Variants in SLC35D2 observed in about 807,000 individuals in gnomAD.
SLC35D2 encodes the protein nucleotide sugar transporter SLC35D2.
Under a neutral mutation model 41.8 loss-of-function variants are expected in SLC35D2, and 43 were observed. That is an observed-to-expected ratio of 1.03 (90% CI 0.81 to 1.33). The LOEUF (loss-of-function observed/expected upper bound fraction) is 1.33. Among genes scored for constraint, SLC35D2 ranks in the 40% most tolerant of loss-of-function variants. The probability of loss-of-function intolerance (pLI) is 0.00; values close to 1 mark genes in which losing one functional copy is unlikely to be tolerated. For synonymous variants in SLC35D2, 150 were observed against 163.9 expected, an observed-to-expected ratio of 0.92 and a Z score of 0.65; for missense variants, 380 against 408.4, an observed-to-expected ratio of 0.93 and a Z score of 0.60.
chr9:96,367,878 C>T (rs947113569), intron 2 of SLC35D2, among the ~76,000 whole-genome samples: 8 of 152,054 alleles, frequency 5.3e-5, no homozygotes, highest in African/African-American at 1.9e-4. Context: ...CAACTCTTTT[C>T]CTGTCAGGCA....
chr9:96,382,492 C>CTCTATATATATATAT (rs1238678610), intron 1 of SLC35D2, among the ~76,000 whole-genome samples: 1 of 144,194 alleles, frequency 6.9e-6, no homozygotes, highest in African/African-American at 2.7e-5. Flanking sequence ...CACACACACA[C>CTCTATATATATATAT]ACACTATATA....
In SLC35D2 at chr9:96,354,281, A is replaced by G. The variant is rs535983417; in HGVS notation, c.348-2172T>C. Among the ~76,000 whole-genome samples, 3 of 152,356 alleles carry G rather than the reference A, an allele frequency of 2.0e-5. No homozygotes were observed. In the South Asian group the frequency reaches 6.2e-4, roughly 32 times the overall value. On this transcript the variant is annotated intron_variant, in intron 4 of 11. Coordinates refer to ENST00000253270, the MANE Select transcript of SLC35D2 (RefSeq NM_007001.3). ...AGGTTCTAGACAGTGCAGTTAGAAA[A>G]AACAAACATCTCATTTGGAAAGGAA...
chr9:96,340,778 T>C (rs1039318770), intron 8 of SLC35D2, among the ~76,000 whole-genome samples: 1 of 151,984 alleles, frequency 6.6e-6, no homozygotes, highest in African/African-American at 2.4e-5. Flanking sequence ...GAAAAACAAA[T>C]CTATATAGTT....
At chr9:96,345,724 G>C (rs77618338) in intron 6 of SLC35D2, among the ~76,000 whole-genome samples, 2,408 of 152,130 alleles carry the variant, frequency 0.016, 57 homozygotes, top group African/African-American at 0.054. Context: ...GGAGTGATTC[G>C]CCCCGATCCA....
chr9:96,352,748 T>C (rs1376354815), intron 4 of SLC35D2, among the ~76,000 whole-genome samples: 1 of 151,444 alleles, frequency 6.6e-6, no homozygotes, highest in Non-Finnish European at 1.5e-5. Flanking sequence ...CATTAAATAG[T>C]CCTGACCGAC....
At chr9:96,370,233 T>C (rs906710990) in intron 1 of SLC35D2, among the ~76,000 whole-genome samples, 4 of 152,180 alleles carry the variant, frequency 2.6e-5, no homozygotes, top group African/African-American at 7.2e-5. Flanking sequence ...AGAGCCCAAC[T>C]TCTCCCTCTG....
At chr9:96,331,468 C>A (rs937156159) in intron 9 of SLC35D2, among the ~76,000 whole-genome samples, 1 of 152,108 alleles carries the variant, frequency 6.6e-6, no homozygotes, top group Non-Finnish European at 1.5e-5. Flanking sequence ...AAGAATGTAA[C>A]CACTCACTTC....
intron 4 of SLC35D2, among the ~76,000 whole-genome samples, chr9:96,358,483 T>C (rs1433169137): frequency 6.6e-5 from 10 of 151,822 alleles, no homozygotes; most frequent in Non-Finnish European, 1.5e-4. Context: ...AGGAAAAAAA[T>C]ATTTGCAAAA....
intron 9 of SLC35D2, among the ~76,000 whole-genome samples, chr9:96,324,375 C>G: frequency 6.6e-6 from 1 of 152,096 alleles, no homozygotes; most frequent in Admixed American, 6.6e-5. Context: ...TTAGCTAAAC[C>G]TTCTACTTAA....
At chr9:96,335,567 C>T (rs1829011028) in intron 9 of SLC35D2, among the ~76,000 whole-genome samples, 2 of 152,160 alleles carry the variant, frequency 1.3e-5, no homozygotes, top group Admixed American at 6.5e-5. Flanking sequence ...GCCATGTTGG[C>T]CAGGCTGGTC....
At chr9:96,320,164 G>A (rs776851685), downstream of SLC35D2, among the ~76,000 whole-genome samples, 24 of 152,212 alleles carry the variant, frequency 1.6e-4, no homozygotes, top group Non-Finnish European at 2.6e-4. Flanking sequence ...TGTGGTAAAA[G>A]CTCCTGAACA....
At chr9:96,334,807 G>A (rs1423268343) in intron 9 of SLC35D2, among the ~76,000 whole-genome samples, 1 of 152,144 alleles carries the variant, frequency 6.6e-6, no homozygotes, top group African/African-American at 2.4e-5. Context: ...ATAGCTGTGT[G>A]TGACACCTAA....
chr9:96,316,898 G>A (rs1828065599), downstream of SLC35D2, among the ~76,000 whole-genome samples: 1 of 152,130 alleles, frequency 6.6e-6, no homozygotes, highest in Non-Finnish European at 1.5e-5. Flanking sequence ...CAGCACTTTG[G>A]GAGGCCAAGG....
At chr9:96,368,249 T>A in intron 2 of SLC35D2, 23 bp downstream of exon 2, 1 of 1,575,198 alleles carries the variant, frequency 6.3e-7, no homozygotes, top group African/African-American at 1.4e-5. Flanking sequence ...AATAAGAGGT[T>A]AATTCTATTT....
chr9:96,323,251 T>C (rs191193571), intron 10 of SLC35D2, among the ~76,000 whole-genome samples: 301 of 152,190 alleles, frequency 2.0e-3, no homozygotes, highest in Admixed American at 4.6e-3. Context: ...TAGGACTTCA[T>C]GTGAATAGAA....
intron 8 of SLC35D2, among the ~76,000 whole-genome samples, chr9:96,341,187 C>T (rs771230186): frequency 5.3e-5 from 8 of 151,690 alleles, no homozygotes; most frequent in Non-Finnish European, 8.8e-5. Flanking sequence ...CTCAGGAGGC[C>T]GAGGCAGGAG....
chr9:96,346,718 T>G (rs551017781), intron 6 of SLC35D2, among the ~76,000 whole-genome samples: 29 of 152,162 alleles, frequency 1.9e-4, no homozygotes, highest in African/African-American at 6.7e-4. Context: ...TGAATGCAAA[T>G]TAAATTGGAT....
At chr9:96,347,190 G>T (rs1396625590) in intron 6 of SLC35D2, among the ~76,000 whole-genome samples, 1 of 152,184 alleles carries the variant, frequency 6.6e-6, no homozygotes, top group Admixed American at 6.5e-5. Context: ...ATGTGATTCA[G>T]CGTGAAGAAG....
chr9:96,378,430 AAAACAAAACAAAAC>A (rs1351065503), intron 1 of SLC35D2, among the ~76,000 whole-genome samples: 2 of 152,154 alleles, frequency 1.3e-5, no homozygotes, highest in Non-Finnish European at 2.9e-5. Context: ...CCTGTCTCAA[AAAACAAAACAAAAC>A]AAACAAAAAA....
Sources: gnomAD v4.1 joint callset for allele counts (sites outside exome capture counted in the v4.1 genomes callset) on GRCh38, gnomAD v4.1.1 for gene constraint, MANE v1.5 for transcripts, NCBI Gene and HGNC (gene_info 2026-07-23, HGNC 2026-07-21) for gene names.